Variants in RABL6 observed in about 807,000 individuals in gnomAD.
The protein encoded by RABL6 is rab-like protein 6.
Under a neutral mutation model 72.9 loss-of-function variants are expected in RABL6, and 28 were observed. The observed-to-expected ratio is 0.38, with a 90% CI of 0.28 to 0.53. The LOEUF is 0.53. Ranked by LOEUF, RABL6 falls within the 20% of genes least tolerant of loss-of-function variation. RABL6 has a pLI of 0.80. For missense variants in RABL6, 1,029 were observed against 1,008.4 expected (o/e 1.02, Z -0.28); for synonymous variants, 477 against 421.2 (o/e 1.13, Z -1.62).
chr9:136,823,458 C>G (rs938996711), intron 1 of RABL6, 67 bp from the exon 2 acceptor site: 2 of 1,587,994 alleles, frequency 1.3e-6, no homozygotes, highest in Admixed American at 3.4e-5. Context: ...CTTGTAGTTG[C>G]TCTTAAAGCT....
chr9:136,831,481 G>A (rs1428440172), intron 5 of RABL6, among the ~76,000 whole-genome samples: 2 of 152,182 alleles, frequency 1.3e-5, no homozygotes, highest in African/African-American at 4.8e-5. Flanking sequence ...TTCCAGTGTG[G>A]GGTGCGGTCA....
chr9:136,833,931 C>T, intron 7 of RABL6: 1 of 1,549,346 alleles, frequency 6.5e-7, no homozygotes, highest in Non-Finnish European at 8.7e-7. Flanking sequence ...TTAGAGAGCT[C>T]CCCACTGCTC....
chr9:136,835,672 G>A (rs900489443), intron 7 of RABL6, 70 bp from the exon 8 acceptor site: 13 of 1,390,314 alleles, frequency 9.4e-6, no homozygotes, highest in African/African-American at 1.4e-5. Flanking sequence ...TGTGCATTCA[G>A]GGGCTGTGGG....
chr9:136,828,057 G>C (rs1442467192), intron 3 of RABL6: 2 of 159,128 alleles, frequency 1.3e-5, no homozygotes, highest in Non-Finnish European at 2.8e-5. Context: ...TTGTTGCCTT[G>C]AGAGTCCGTG....
At chr9:136,823,807 A>C in intron 2 of RABL6, 148 bp downstream of exon 2, 1 of 1,074,266 alleles carries the variant, frequency 9.3e-7, no homozygotes, top group East Asian at 2.8e-5. Flanking sequence ...CCTGGCGTGA[A>C]CTCTGGGGCT....
At chr9:136,838,825 C>T (rs1475128066) in intron 10 of RABL6, 84 bp from the exon 11 acceptor site, 2 of 1,264,328 alleles carry the variant, frequency 1.6e-6, no homozygotes, top group Non-Finnish European at 2.1e-6. Flanking sequence ...TGCTGGGTAC[C>T]AGGGCGCCTA....
chr9:136,823,625 G>C lies in RABL6; in HGVS notation c.231G>C (p.Glu77Asp), dbSNP rs1413330314. 6.2e-7 allele frequency: 1 copy of C among 1,613,314 alleles called. No individual in the cohort carries two copies. The highest frequency in any genetic ancestry group is 2.2e-5 in the East Asian group (1 of 44,864). ...PFVEEYIPTQ[E>D]IQVTSIHWSY... ...TGGAGGAGTACATCCCCACACAGGAGATCCAGGTCACCAGCATCCACTGGA... is the reference window on the plus strand; with the variant it reads ...TGGAGGAGTACATCCCCACACAGGACATCCAGGTCACCAGCATCCACTGGA... Residue 77 changes from glutamate (E) to aspartate (D), a missense_variant, in exon 2 of 15, where the codon GAG (glutamate) becomes GAC (aspartate). By Grantham distance (45) the Glu-to-Asp change is conservative. Around this residue, in one of 2 missense-constraint regions of RABL6, gnomAD observed 434 missense variants for 536.1 expected, o/e 0.81. Transcript: ENST00000311502.
intron 1 of RABL6, among the ~76,000 whole-genome samples, chr9:136,819,044 C>A (rs908521808): frequency 1.3e-5 from 2 of 151,926 alleles, no homozygotes; most frequent in Admixed American, 1.3e-4. Context: ...TTGTCCAGGC[C>A]GGGCGCGGTG....
At chr9:136,833,769 CAG>C in intron 7 of RABL6, 1 of 1,550,324 alleles carries the variant, frequency 6.5e-7, no homozygotes, top group Non-Finnish European at 8.7e-7. Flanking sequence ...GTCCTGGTGT[CAG>C]AAGAAGTGAG....
Position 136,839,753 on chromosome 9 carries a change from C to G in RABL6, c.1818C>G (p.Ala606=). ...SDVTDEDEGP[A]EPPPPPKLPL... ...TGACTGACGAGGATGAGGGCCCTGC[C>G]GAGCCGCCCCCACCCCCCAAGCTCC... is the stretch of plus-strand genomic sequence containing the variant. Residue 606 remains alanine (A), a synonymous_variant, in exon 13 of 15, where the codon GCC becomes GCG. Transcript: ENST00000311502. The G allele has an allele frequency of 6.2e-7, 1 of 1,611,472 alleles. No homozygotes were observed. The highest frequency in any genetic ancestry group is 8.5e-7 in the Non-Finnish European group (1 of 1,179,100).
rs776544151 is a variant in RABL6, at chr9:136,838,933, C to T, written c.1305C>T (p.Asn435=). 93 of 1,603,798 alleles carry T rather than the reference C, an allele frequency of 5.8e-5. No homozygotes were observed. The highest frequency in any genetic ancestry group is 7.1e-5 in the Non-Finnish European group (83 of 1,175,098). The change falls in exon 11 of 15, where the codon AAC becomes AAT. Residue 435 remains asparagine, a synonymous_variant. Transcript: ENST00000311502. ...SDSDGEALGG[N]PMVAGFQDDV... is the part of the protein sequence containing the mutation. Reference sequence around the variant, plus strand: ...GTGATGGGGAGGCCCTGGGCGGCAACCCGATGGTGGCAGGGTTCCAGGACG... The same window carrying T: ...GTGATGGGGAGGCCCTGGGCGGCAATCCGATGGTGGCAGGGTTCCAGGACG...
chr9:136,821,958 A>C (rs1040496781), intron 1 of RABL6: 3 of 1,289,144 alleles, frequency 2.3e-6, no homozygotes, highest in African/African-American at 3.0e-5. Flanking sequence ...GCCGGCGCCG[A>C]GATATGACCA....
chr9:136,821,297 C>T (rs191002568), intron 1 of RABL6: 5 of 982,118 alleles, frequency 5.1e-6, no homozygotes, highest in East Asian at 1.1e-4. Context: ...TCGCTGTGAC[C>T]GTCTCTGCGC....
intron 7 of RABL6, 79 bp from the exon 8 acceptor site, chr9:136,835,663 G>T (rs1848571407): frequency 7.6e-7 from 1 of 1,313,104 alleles, no homozygotes; most frequent in Admixed American, 2.3e-5. Flanking sequence ...GGCGTCCCCT[G>T]TGCATTCAGG....
intron 1 of RABL6, chr9:136,809,736 C>A (rs1037475755): frequency 1.9e-5 from 3 of 154,292 alleles, no homozygotes; most frequent in Non-Finnish European, 4.4e-5. Flanking sequence ...TTAGAGTCAG[C>A]GTGCTCATCA....
rs1276464266 is a variant in RABL6, at chr9:136,831,764, C to G, written c.502C>G (p.His168Asp). ...ILRELPKVPTHVPVCVLGNYR... is the reference protein window; with the variant it reads ...ILRELPKVPTDVPVCVLGNYR... ...CCGGGAGCTTCCAAAAGTGCCCACCCACGTGCCAGTGTGCGTGCTGGGAAA... is the reference window on the plus strand; with the variant it reads ...CCGGGAGCTTCCAAAAGTGCCCACCGACGTGCCAGTGTGCGTGCTGGGAAA... The change falls in exon 6 of 15, where the codon CAC becomes GAC. Residue 168 changes from histidine (H) to aspartate (D), a missense_variant. His to Asp is a moderately conservative substitution (Grantham distance 81). Coordinates refer to ENST00000311502, the MANE Select transcript of RABL6 (RefSeq NM_024718.5). 1.9e-6 allele frequency: 3 copies of G among 1,613,484 alleles called. No individual in the cohort carries two copies. The highest frequency in any genetic ancestry group is 2.5e-6 in the Non-Finnish European group (3 of 1,179,846).
intron 1 of RABL6, chr9:136,821,884 G>A: frequency 7.9e-7 from 1 of 1,272,696 alleles, no homozygotes; most frequent in Non-Finnish European, 1.0e-6. Flanking sequence ...CCCCCAGCCG[G>A]TGCGGCCGCC....
chr9:136,839,469 G>T lies in RABL6; in HGVS notation c.1741G>T (p.Asp581Tyr), dbSNP rs746831558. 1 of 1,612,272 alleles carries T rather than the reference G, an allele frequency of 6.2e-7. No individual in the cohort carries two copies. Among genetic ancestry groups the T allele is most frequent in the African/African-American group, 1.3e-5 (1 of 74,936 alleles). ...DDPDFESEGS[D>Y]TQRRADDFPV... ...CCCCGACTTTGAGAGCGAGGGATCA[G>T]ACACACAGCGCAGGGCGGTAAGACG... The change falls in exon 12 of 15, where the codon GAC (aspartate) becomes TAC (tyrosine). Residue 581 changes from aspartate (D) to tyrosine (Y), a missense_variant. Around this residue, in one of 2 missense-constraint regions of RABL6, gnomAD observed 595 missense variants for 472.4 expected, o/e 1.26. Coordinates refer to ENST00000311502, the MANE Select transcript of RABL6 (RefSeq NM_024718.5).
intron 8 of RABL6, chr9:136,837,066 G>C (rs1200691375): frequency 3.5e-6 from 2 of 567,994 alleles, no homozygotes; most frequent in African/African-American, 3.8e-5. Context: ...TAGTAGAGAC[G>C]GGGTTTCACT....
Sources: gnomAD v4.1 joint callset for allele counts (sites outside exome capture counted in the v4.1 genomes callset) on GRCh38, gnomAD v4.1.1 for gene constraint, gnomAD v4.1.1 regional missense constraint, MANE v1.5 for transcripts, NCBI Gene and HGNC (gene_info 2026-07-23, HGNC 2026-07-21) for gene names.